The following RAF1 variants were observed in gnomAD, a reference collection of about 807,000 sequenced individuals.
The protein encoded by RAF1 is RAF proto-oncogene serine/threonine-protein kinase.
RAF1 carries 27 observed loss-of-function variants against 81.1 expected under a neutral mutation model. The ratio of observed to expected loss-of-function variants is 0.33; its 90% CI spans 0.25 to 0.46. RAF1 has a LOEUF of 0.46. Among genes scored for constraint, RAF1 ranks in the 20% least tolerant of loss-of-function variants. The probability of loss-of-function intolerance (pLI) is 1.00; values close to 1 mark genes in which losing one functional copy is unlikely to be tolerated. For missense variants in RAF1, 598 were observed against 826.0 expected (o/e 0.72, Z 3.38); for synonymous variants, 298 against 294.0 (o/e 1.01, Z -0.14).
At chr3:12,663,409 G>C (rs2060945336) in intron 1 of RAF1, among the ~76,000 whole-genome samples, 1 of 152,192 alleles carries the variant, frequency 6.6e-6, no homozygotes, top group African/African-American at 2.4e-5. Context: ...TCACTTGACT[G>C]AAGTACCCTG....
chr3:12,631,074 C>T (rs2059845195), intron 1 of RAF1, among the ~76,000 whole-genome samples: 1 of 152,148 alleles, frequency 6.6e-6, no homozygotes, highest in African/African-American at 2.4e-5. Flanking sequence ...AACCCCAGCA[C>T]TTTGAGAGGT....
intron 1 of RAF1, among the ~76,000 whole-genome samples, chr3:12,636,732 G>C (rs946923199): frequency 6.6e-6 from 1 of 151,916 alleles, no homozygotes; most frequent in Non-Finnish European, 1.5e-5. Flanking sequence ...ACTTGAGCCT[G>C]GGAGGTGGAG....
At chr3:12,606,164 T>C in intron 6 of RAF1, 37 bp downstream of exon 6, 1 of 1,521,878 alleles carries the variant, frequency 6.6e-7, no homozygotes, top group Admixed American at 1.7e-5. Context: ...CCACCCCAAA[T>C]AACTTTCTAA....
At chr3:12,655,267 G>T (rs2060654470) in intron 1 of RAF1, among the ~76,000 whole-genome samples, 1 of 152,068 alleles carries the variant, frequency 6.6e-6, no homozygotes, top group African/African-American at 2.4e-5. Flanking sequence ...TGTACTTTTA[G>T]TAGAGACGGG....
chr3:12,625,752 T>A (rs1335648758), intron 1 of RAF1, among the ~76,000 whole-genome samples: 1 of 151,992 alleles, frequency 6.6e-6, no homozygotes, highest in East Asian at 1.9e-4. Flanking sequence ...AGGCCAGGAG[T>A]TCGAGGCTGT....
At chr3:12,660,099 T>C (rs1421315222) in intron 1 of RAF1, among the ~76,000 whole-genome samples, 1 of 152,204 alleles carries the variant, frequency 6.6e-6, no homozygotes, top group African/African-American at 2.4e-5. Flanking sequence ...ACTTGCTTAA[T>C]CTTCAGAGCA....
chr3:12,618,073 G>C (rs1309132934), intron 2 of RAF1, among the ~76,000 whole-genome samples: 3 of 151,928 alleles, frequency 2.0e-5, no homozygotes, highest in Admixed American at 2.0e-4. Flanking sequence ...CTGGTCCTGG[G>C]CCTATGAAAT....
At chr3:12,657,376 C>A (rs1167091872) in intron 1 of RAF1, among the ~76,000 whole-genome samples, 1 of 152,138 alleles carries the variant, frequency 6.6e-6, no homozygotes, top group Non-Finnish European at 1.5e-5. Context: ...CAAAGGAGAA[C>A]GTAGAATAAC....
intron 1 of RAF1, among the ~76,000 whole-genome samples, chr3:12,660,222 C>A (rs1275407568): frequency 6.6e-6 from 1 of 152,008 alleles, no homozygotes; most frequent in Non-Finnish European, 1.5e-5. Context: ...TCAGAAATTA[C>A]CAGCTTAATC....
At chr3:12,596,586 C>T (rs1448883554) in intron 11 of RAF1, among the ~76,000 whole-genome samples, 1 of 152,142 alleles carries the variant, frequency 6.6e-6, no homozygotes, top group Non-Finnish European at 1.5e-5. Context: ...AAATCATGCA[C>T]CTGAGGCTTC....
intron 1 of RAF1, among the ~76,000 whole-genome samples, chr3:12,656,341 C>T (rs2060693907): frequency 6.6e-6 from 1 of 152,012 alleles, no homozygotes; most frequent in South Asian, 2.1e-4. Context: ...AGTCAGTGTC[C>T]TGCTAAAGCA....
intron 11 of RAF1, 55 bp from the exon 11 acceptor site, chr3:12,591,847 A>G (rs1225596624): frequency 7.7e-7 from 1 of 1,300,804 alleles, no homozygotes; most frequent in Non-Finnish European, 1.1e-6. Flanking sequence ...AGTCTTTCAA[A>G]TAACCTAGTT....
intron 1 of RAF1, among the ~76,000 whole-genome samples, chr3:12,634,634 G>C (rs2059965009): frequency 6.6e-6 from 1 of 152,178 alleles, no homozygotes; most frequent in Non-Finnish European, 1.5e-5. Flanking sequence ...ACCCCTTCTA[G>C]CAATTTCCAA....
intron 1 of RAF1, among the ~76,000 whole-genome samples, chr3:12,660,550 G>C (rs2060843245): frequency 6.6e-6 from 1 of 152,104 alleles, no homozygotes; most frequent in Admixed American, 6.6e-5. Context: ...CTGAGCTCTA[G>C]CAATTCACCA....
Position 12,584,423 on chromosome 3 carries a change from TG to T in RAF1, c.*90del. On this transcript the variant is annotated 3_prime_UTR_variant, in exon 18 of 18. Transcript: ENST00000442415. ...CTTAGCAGCAGCTTCTCTGAAAACATGTGTTCTGCCTCTGGAGAAAGGGAGC... is the reference window on the plus strand; with the variant it reads ...CTTAGCAGCAGCTTCTCTGAAAACATTGTTCTGCCTCTGGAGAAAGGGAGC... 6.5e-7 allele frequency: 1 copy of T among 1,529,904 alleles called. No individual in the cohort carries two copies. The highest frequency in any genetic ancestry group is 9.0e-7 in the Non-Finnish European group (1 of 1,108,044). 94.8% of individuals were successfully genotyped at this position (1,529,904 alleles called of 1,614,324 possible). A position where few individuals can be genotyped will look rare whatever the true frequency, so the allele number is the denominator to read the frequency against.
chr3:12,614,655 G>C (rs538568142), intron 2 of RAF1, among the ~76,000 whole-genome samples: 2 of 151,676 alleles, frequency 1.3e-5, no homozygotes, highest in South Asian at 4.2e-4. Flanking sequence ...CAAACTCCTG[G>C]GCTCAAGCAA....
intron 2 of RAF1, among the ~76,000 whole-genome samples, chr3:12,617,203 C>T (rs1371733165): frequency 6.6e-6 from 1 of 152,180 alleles, no homozygotes; most frequent in Admixed American, 6.5e-5. Flanking sequence ...ACCTCTGCCT[C>T]CCGGGTTCGA....
At chr3:12,657,383 T>C (rs560185190) in intron 1 of RAF1, among the ~76,000 whole-genome samples, 3 of 152,194 alleles carry the variant, frequency 2.0e-5, no homozygotes, top group Admixed American at 6.5e-5. Flanking sequence ...GAACGTAGAA[T>C]AACTATGCAC....
At chr3:12,658,648 G>A (rs895883498) in intron 1 of RAF1, among the ~76,000 whole-genome samples, 1 of 152,084 alleles carries the variant, frequency 6.6e-6, no homozygotes, top group Admixed American at 6.6e-5. Context: ...GCCACTGCCT[G>A]CTGCTTCCCA....
Sources: allele counts gnomAD v4.1 joint callset (sites outside exome capture counted in the v4.1 genomes callset), GRCh38; gene constraint gnomAD v4.1.1; transcripts MANE v1.5; gene names NCBI Gene and HGNC (gene_info 2026-07-23, HGNC 2026-07-21).